CYP4X1: variants seen among roughly 807,000 people sequenced by gnomAD.
The protein encoded by CYP4X1 is cytochrome P450 4X1.
CYP4X1 carries 44 observed loss-of-function variants against 57.9 expected under a neutral mutation model. The ratio of observed to expected loss-of-function variants is 0.76; its 90% CI spans 0.60 to 0.98. The LOEUF (loss-of-function observed/expected upper bound fraction) is 0.98, where lower values mean the gene tolerates loss of function less well. Ranked by LOEUF, CYP4X1 falls within the 50% of genes least tolerant of loss-of-function variation. CYP4X1 has a pLI of 0.00. For missense variants in CYP4X1, 532 were observed against 623.9 expected, an observed-to-expected ratio of 0.85 and a Z score of 1.57; for synonymous variants, 227 against 228.6, an observed-to-expected ratio of 0.99 and a Z score of 0.06.
upstream of CYP4X1, among the ~76,000 whole-genome samples, chr1:47,021,913 G>A (rs1021827): frequency 0.43 from 64,776 of 151,986 alleles, 14,794 homozygotes; most frequent in East Asian, 0.87. Flanking sequence ...CCCAGGGACC[G>A]GACCAGGCAA....
At chr1:47,052,096 G>C (rs1218577179), downstream of CYP4X1, among the ~76,000 whole-genome samples, 1 of 152,136 alleles carries the variant, frequency 6.6e-6, no homozygotes, top group South Asian at 2.1e-4. Flanking sequence ...TTCCCTGGTA[G>C]TTTCATTGCC....
chr1:46,963,296 A>G, the CYP4X1 span, among the ~76,000 whole-genome samples: 1 of 152,042 alleles, frequency 6.6e-6, no homozygotes, highest in Admixed American at 6.6e-5. Flanking sequence ...TCCTGTCATT[A>G]TGATGTTAGC....
downstream of CYP4X1, among the ~76,000 whole-genome samples, chr1:47,054,411 T>G (rs1644380011): frequency 6.6e-6 from 1 of 152,130 alleles, no homozygotes; most frequent in Non-Finnish European, 1.5e-5. Flanking sequence ...GGCTCTTTTT[T>G]GGTTCCATAT....
In CYP4X1 at chr1:47,026,962, G is replaced by A. The variant is rs1022675930; in HGVS notation, c.177+2968G>A. Among the ~76,000 whole-genome samples the A allele has an allele frequency of 5.3e-5, 8 of 152,078 alleles. No homozygotes were observed. The East Asian group carries it at 9.7e-4, about 18-fold the overall frequency. On this transcript the variant is annotated intron_variant, in intron 1 of 11. Coordinates refer to ENST00000371901, the MANE Select transcript of CYP4X1 (RefSeq NM_178033.2). Reference sequence around the variant, plus strand: ...GAACTCCTGACCTCGTGATCCACCCGCCTCACCCTCCCAAAGTGCTGGGAT... The same window carrying A: ...GAACTCCTGACCTCGTGATCCACCCACCTCACCCTCCCAAAGTGCTGGGAT...
At position 47,046,617 on chromosome 1, in the gene CYP4X1, C is replaced by T. The variant is rs764434913; in HGVS notation, c.1207+17C>T. On this transcript the variant is annotated intron_variant, in intron 9 of 11. Transcript: ENST00000371901. ...TGCCTGCAGGTCTTTACATTCTTTT[C>T]CTAAGCAGTTCTTAGAGGCTATGGG... is the stretch of plus-strand genomic sequence containing the variant. 20 of 1,613,958 alleles carry T rather than the reference C, an allele frequency of 1.2e-5. No individual in the cohort carries two copies. The highest frequency in any genetic ancestry group is 1.6e-5 in the Non-Finnish European group (19 of 1,180,006).
At chr1:47,044,753 T>A (rs1284528475) in intron 8 of CYP4X1, among the ~76,000 whole-genome samples, 1 of 152,196 alleles carries the variant, frequency 6.6e-6, no homozygotes, top group Non-Finnish European at 1.5e-5. Flanking sequence ...AAATATAACT[T>A]TTGTTCCATG....
chr1:46,986,482 T>C, the CYP4X1 span, among the ~76,000 whole-genome samples: 1 of 152,110 alleles, frequency 6.6e-6, no homozygotes, highest in Non-Finnish European at 1.5e-5. Context: ...CCAGGAGAAC[T>C]TCCCCAACCT....
At chr1:46,999,026 T>TTTTGTGTGTGTGTGTGTGTG in the CYP4X1 span, among the ~76,000 whole-genome samples, 1 of 143,248 alleles carries the variant, frequency 7.0e-6, no homozygotes, top group Non-Finnish European at 1.5e-5. Context: ...CTTGCTTTCT[T>TTTTGTGTGTGTGTGTGTGTG]TGTGTGTGTG....
chr1:47,021,625 A>G (rs1569595966), upstream of CYP4X1, among the ~76,000 whole-genome samples: 1 of 152,234 alleles, frequency 6.6e-6, no homozygotes, highest in African/African-American at 2.4e-5. Flanking sequence ...CCTCTTCAAC[A>G]CCTTCCAGCC....
At chr1:46,975,360 T>TG in the CYP4X1 span, among the ~76,000 whole-genome samples, 1 of 152,226 alleles carries the variant, frequency 6.6e-6, no homozygotes, top group Non-Finnish European at 1.5e-5. Context: ...GCAGTTCTGG[T>TG]GGTAATGAAT....
Position 47,038,719 on chromosome 1 carries a change from C to A in CYP4X1, c.835C>A (p.Pro279Thr). ...GGCTGGGGTAAAGCAGGATAACACT[C>A]CGAAGAGGAAGTACCAGGATTTTCT... ...LQAGVKQDNT[P>T]KRKYQDFLDI... is the part of the protein sequence containing the mutation. The change falls in exon 7 of 12, where the codon CCG becomes ACG. Residue 279 changes from proline (P) to threonine (T), a missense_variant. Physicochemically the swap from Pro to Thr is conservative, Grantham distance 38. Coordinates refer to ENST00000371901, the MANE Select transcript of CYP4X1 (RefSeq NM_178033.2). 6.2e-7 allele frequency: 1 copy of A among 1,611,360 alleles called. No homozygotes were observed. Among genetic ancestry groups the A allele is most frequent in the Non-Finnish European group, 8.5e-7 (1 of 1,178,750 alleles).
chr1:47,015,919 G>A, the CYP4X1 span, among the ~76,000 whole-genome samples: 150 of 152,090 alleles, frequency 9.9e-4, no homozygotes, highest in African/African-American at 3.1e-3. Flanking sequence ...TGCCACCTCC[G>A]TGAGGAAAAA....
At chr1:46,983,396 T>G in the CYP4X1 span, among the ~76,000 whole-genome samples, 1 of 152,202 alleles carries the variant, frequency 6.6e-6, no homozygotes, top group Non-Finnish European at 1.5e-5. Context: ...TTGTGCCATG[T>G]TAGAGTTGCC....
At chr1:46,974,687 C>T in the CYP4X1 span, among the ~76,000 whole-genome samples, 1 of 151,876 alleles carries the variant, frequency 6.6e-6, no homozygotes, top group Non-Finnish European at 1.5e-5. Flanking sequence ...TTGTGTAATG[C>T]CTTTCTTTGT....
chr1:46,990,739 T>A, the CYP4X1 span, among the ~76,000 whole-genome samples: 1 of 152,218 alleles, frequency 6.6e-6, no homozygotes, highest in Non-Finnish European at 1.5e-5. Context: ...GATGAGTTCA[T>A]GTCCTTCCCA....
the CYP4X1 span, among the ~76,000 whole-genome samples, chr1:46,991,039 A>T: frequency 7.9e-6 from 1 of 126,852 alleles, no homozygotes; most frequent in African/African-American, 2.7e-5. Context: ...CCCAGAACTT[A>T]AAAAAAAAAA....
intron 8 of CYP4X1, among the ~76,000 whole-genome samples, chr1:47,041,260 G>A (rs1189182051): frequency 6.6e-6 from 1 of 152,142 alleles, no homozygotes; most frequent in Non-Finnish European, 1.5e-5. Context: ...ACATGGGAAT[G>A]TAGATGTCTC....
the CYP4X1 span, among the ~76,000 whole-genome samples, chr1:47,014,314 C>A: frequency 2.6e-5 from 4 of 152,152 alleles, no homozygotes; most frequent in Non-Finnish European, 5.9e-5. Context: ...CTCCTACCTT[C>A]AAGGCCAGTG....
In CYP4X1 at chr1:47,048,602, C is replaced by A. The variant is rs149560395; in HGVS notation, c.1245C>A (p.His415Gln). 1 of 1,613,874 alleles carries A rather than the reference C, an allele frequency of 6.2e-7. No homozygotes were observed. Among genetic ancestry groups the A allele is most frequent in the African/African-American group, 1.3e-5 (1 of 74,896 alleles). ...TTCTTAGTATTTGGGGTCTTCACCA[C>A]AACCCTGCTGTCTGGAAAAACCCAA... ...TVVLSIWGLHHNPAVWKNPKV... is the reference protein window; with the variant it reads ...TVVLSIWGLHQNPAVWKNPKV... Residue 415 changes from histidine (H) to glutamine (Q), a missense_variant, in exon 10 of 12, where the codon CAC (histidine) becomes CAA (glutamine). Transcript: ENST00000371901.
Sources: gnomAD v4.1 joint callset for allele counts (sites outside exome capture counted in the v4.1 genomes callset) on GRCh38, gnomAD v4.1.1 for gene constraint, MANE v1.5 for transcripts, NCBI Gene and HGNC (gene_info 2026-07-23, HGNC 2026-07-21) for gene names.